Variants in IFT25 observed in about 807,000 individuals in gnomAD.
IFT25 encodes intraflagellar transport 25.
At chr1:53,914,116 G>A in the IFT25 span, among the ~76,000 whole-genome samples, 1 of 152,060 alleles carries the variant, frequency 6.6e-6, no homozygotes, top group Non-Finnish European at 1.5e-5. Context: ...TATTAACCTC[G>A]AGGCTCTCTG....
the IFT25 span, chr1:53,916,750 C>A: frequency 2.1e-5 from 8 of 379,398 alleles, no homozygotes; most frequent in African/African-American, 1.7e-4. Context: ...CATCTTTCCC[C>A]AAATTCATCA....
At chr1:53,915,287 A>G in the IFT25 span, among the ~76,000 whole-genome samples, 2,739 of 152,294 alleles carry the variant, frequency 0.018, 91 homozygotes, top group African/African-American at 0.063. Flanking sequence ...TAAACATGAT[A>G]TACATGGTAA....
the IFT25 span, among the ~76,000 whole-genome samples, chr1:53,916,359 C>T: frequency 1.7e-4 from 26 of 151,966 alleles, no homozygotes; most frequent in Non-Finnish European, 2.8e-4. Context: ...TTTCAAATAC[C>T]GTATATGAAA....
At chr1:53,935,431 T>C in the IFT25 span, among the ~76,000 whole-genome samples, 1 of 152,210 alleles carries the variant, frequency 6.6e-6, no homozygotes, top group East Asian at 1.9e-4. Context: ...GGGTGACTGA[T>C]AACAAGTGTG....
the IFT25 span, chr1:53,916,864 G>T: frequency 2.5e-6 from 1 of 395,150 alleles, no homozygotes; most frequent in South Asian, 1.3e-4. Flanking sequence ...TTTCCGGGCC[G>T]GGCGCAGTGG....
At chr1:53,921,526 A>G in the IFT25 span, 1 of 679,428 alleles carries the variant, frequency 1.5e-6, no homozygotes, top group Admixed American at 2.4e-5. Context: ...TTTACCCCAA[A>G]TATTGAAAAG....
the IFT25 span, chr1:53,921,509 G>A: frequency 1.6e-6 from 1 of 632,276 alleles, no homozygotes; most frequent in East Asian, 2.8e-5. Flanking sequence ...GATAAAAACA[G>A]AATTCCTTTA....
the IFT25 span, chr1:53,923,669 CAA>C: frequency 1.0e-5 from 4 of 381,540 alleles, no homozygotes; most frequent in Non-Finnish European, 1.8e-5. Flanking sequence ...AAAAATAAAA[CAA>C]AAAATAAATG....
At chr1:53,917,178 CAA>C in the IFT25 span, 20,546 of 144,018 alleles carry the variant, frequency 0.14, 1,861 homozygotes, top group African/African-American at 0.26. Flanking sequence ...GACTCCATCT[CAA>C]AAAAAAAAAA....
chr1:53,941,716 A>G, the IFT25 span, among the ~76,000 whole-genome samples: 2 of 152,214 alleles, frequency 1.3e-5, no homozygotes, highest in Non-Finnish European at 2.9e-5. Context: ...AAAATTATTA[A>G]ATTTCATTAT....
chr1:53,928,629 T>C, the IFT25 span: 6 of 534,686 alleles, frequency 1.1e-5, no homozygotes, highest in East Asian at 1.5e-4. Context: ...CTTGTGTAAC[T>C]AATCTTCCAA....
At chr1:53,938,992 T>C in the IFT25 span, among the ~76,000 whole-genome samples, 313 of 145,016 alleles carry the variant, frequency 2.2e-3, 1 homozygote, top group African/African-American at 7.8e-3. Context: ...GAGAATCGCT[T>C]GAACCTGGGA....
At chr1:53,940,368 A>C in the IFT25 span, among the ~76,000 whole-genome samples, 2 of 152,248 alleles carry the variant, frequency 1.3e-5, no homozygotes, top group East Asian at 1.9e-4. Context: ...AGGTACAGGA[A>C]GAAGGTCAAC....
chr1:53,921,268 C>T, the IFT25 span, among the ~76,000 whole-genome samples: 1 of 152,204 alleles, frequency 6.6e-6, no homozygotes, highest in African/African-American at 2.4e-5. Flanking sequence ...TAAGTACTTT[C>T]TCTTTTCTGA....
At chr1:53,924,193 A>G in the IFT25 span, among the ~76,000 whole-genome samples, 1 of 152,228 alleles carries the variant, frequency 6.6e-6, no homozygotes, top group African/African-American at 2.4e-5. Flanking sequence ...AAGGTCAATT[A>G]TATTAATAGT....
chr1:53,920,676 G>A, the IFT25 span, among the ~76,000 whole-genome samples: 5 of 152,146 alleles, frequency 3.3e-5, no homozygotes, highest in African/African-American at 1.2e-4. Context: ...TCTTAAATAA[G>A]AGAAAGAGGG....
the IFT25 span, among the ~76,000 whole-genome samples, chr1:53,915,667 A>G: frequency 1.3e-5 from 2 of 152,194 alleles, no homozygotes; most frequent in Non-Finnish European, 2.9e-5. Context: ...GAGGCCAGAG[A>G]AAGGCTTATT....
chr1:53,938,588 G>T, the IFT25 span, among the ~76,000 whole-genome samples: 1 of 152,138 alleles, frequency 6.6e-6, no homozygotes, highest in South Asian at 2.1e-4. Flanking sequence ...AACCAGTTCT[G>T]CCTTCAATGA....
the IFT25 span, among the ~76,000 whole-genome samples, chr1:53,938,451 A>C: frequency 6.6e-6 from 1 of 152,210 alleles, no homozygotes; most frequent in East Asian, 1.9e-4. Flanking sequence ...GAGATAAACG[A>C]ATCTGAGGAG....
Sources: gnomAD v4.1 joint callset for allele counts (sites outside exome capture counted in the v4.1 genomes callset) on GRCh38, gnomAD v4.1.1 for gene constraint, MANE v1.5 for transcripts, NCBI Gene and HGNC (gene_info 2026-07-23, HGNC 2026-07-21) for gene names.